The following ACSM5 variants were observed in gnomAD, a reference collection of about 807,000 sequenced individuals.
ACSM5 encodes acyl-coenzyme A synthetase ACSM5, mitochondrial.
A neutral mutation model predicts 71.6 loss-of-function variants in ACSM5; 56 were observed. That is an observed-to-expected ratio of 0.78 (90% CI 0.63 to 0.98). ACSM5 has a LOEUF of 0.98. Ranked by LOEUF, ACSM5 falls within the 50% of genes least tolerant of loss-of-function variation. The pLI is 0.00. For missense variants in ACSM5, 723 were observed against 726.0 expected, an observed-to-expected ratio of 1.00 and a Z score of 0.05; for synonymous variants, 285 against 281.5, an observed-to-expected ratio of 1.01 and a Z score of -0.12.
At chr16:20,417,957 T>C in intron 2 of ACSM5, 102 bp from the exon 3 acceptor site, 5 of 1,179,944 alleles carry the variant, frequency 4.2e-6, no homozygotes, top group Non-Finnish European at 5.9e-6. Context: ...TTTTGAACCC[T>C]GTGAATTTTA....
Position 20,437,335 on chromosome 16 carries a change from G to A in ACSM5, c.1504G>A (p.Val502Met), listed in dbSNP as rs1967223430. Residue 502 changes from valine (V) to methionine (M), a missense_variant, in exon 12 of 14, where the codon GTG becomes ATG. Coordinates refer to ENST00000331849, the MANE Select transcript of ACSM5 (RefSeq NM_017888.3). ...GCATCCTGCTGTCCTGGAGTCGGCTGTGGTCAGCAGCCCAGACCCCATCAG... is the reference window on the plus strand; with the variant it reads ...GCATCCTGCTGTCCTGGAGTCGGCTATGGTCAGCAGCCCAGACCCCATCAG... ...AEHPAVLESAVVSSPDPIRGE... is the reference protein window; with the variant it reads ...AEHPAVLESAMVSSPDPIRGE... The A allele has an allele frequency of 1.2e-6, 2 of 1,614,034 alleles. No individual in the cohort carries two copies. Among genetic ancestry groups the A allele is most frequent in the African/African-American group, 1.3e-5 (1 of 75,018 alleles).
intron 2 of ACSM5, among the ~76,000 whole-genome samples, chr16:20,412,374 C>A (rs1164213876): frequency 2.0e-5 from 3 of 151,938 alleles, no homozygotes; most frequent in African/African-American, 7.3e-5. Flanking sequence ...TAAAATACAA[C>A]AAAACAAAAT....
intron 12 of ACSM5, among the ~76,000 whole-genome samples, 170 bp from the exon 13 acceptor site, chr16:20,439,630 G>A (rs770338789): frequency 1.5e-4 from 22 of 151,466 alleles, no homozygotes; most frequent in East Asian, 7.9e-4. Context: ...ACCTGGAAGG[G>A]CCAGCAAAAG....
intron 10 of ACSM5, among the ~76,000 whole-genome samples, chr16:20,435,159 A>G (rs958347399): frequency 2.6e-5 from 4 of 151,962 alleles, no homozygotes; most frequent in Non-Finnish European, 5.9e-5. Context: ...CAGCCTCCCA[A>G]GTAGCTGGGA....
intron 6 of ACSM5, among the ~76,000 whole-genome samples, chr16:20,424,982 C>G (rs1246429233): frequency 1.3e-5 from 2 of 152,214 alleles, no homozygotes; most frequent in Admixed American, 6.5e-5. Flanking sequence ...AAGCATTTAT[C>G]TTTTGTGTTA....
chr16:20,415,587 A>G (rs142795572), intron 2 of ACSM5, among the ~76,000 whole-genome samples: 2 of 152,312 alleles, frequency 1.3e-5, no homozygotes, highest in African/African-American at 4.8e-5. Flanking sequence ...GGACTCCCCA[A>G]ATTCTACAGG....
At chr16:20,425,032 A>G (rs943060169) in intron 6 of ACSM5, among the ~76,000 whole-genome samples, 9 of 152,192 alleles carry the variant, frequency 5.9e-5, no homozygotes, top group African/African-American at 1.9e-4. Flanking sequence ...AAAATGTACA[A>G]TTAAGTTTTT....
rs1190087842 is a variant in ACSM5 at position 20,436,542 on chromosome 16, T to G, written c.1309-510T>G. Reference sequence around the variant, plus strand: ...TGCACCACCACACCCAGCTAATTTTTTTGTCTTTAGTAGAGACAGGTTTTC... The same window carrying G: ...TGCACCACCACACCCAGCTAATTTTGTTGTCTTTAGTAGAGACAGGTTTTC... On this transcript the variant is annotated intron_variant, in intron 10 of 13. Transcript: ENST00000331849. Among the ~76,000 whole-genome samples the G allele has an allele frequency of 2.0e-5, 3 of 152,076 alleles. No homozygotes were observed. In the East Asian group the frequency reaches 5.8e-4, roughly 29 times the overall value.
intron 8 of ACSM5, 112 bp from the exon 9 acceptor site, chr16:20,430,881 G>A: frequency 2.9e-6 from 2 of 694,480 alleles, no homozygotes; most frequent in Non-Finnish European, 4.9e-6. Context: ...AGTGAGGGAG[G>A]AGAAAAAAGA....
At chr16:20,421,472 G>T in intron 5 of ACSM5, 71 bp downstream of exon 5, 2 of 1,375,200 alleles carry the variant, frequency 1.5e-6, no homozygotes, top group East Asian at 2.7e-5. Context: ...GTGGTGTGAG[G>T]GGAAAGGTGT....
chr16:20,440,400 A>G lies in ACSM5; in HGVS notation c.1713A>G (p.Lys571=), dbSNP rs751566551. The G allele has an allele frequency of 2.5e-6, 4 of 1,610,818 alleles. No homozygotes were observed. Among genetic ancestry groups the G allele is most frequent in the Non-Finnish European group, 3.4e-6 (4 of 1,177,262 alleles). Residue 571 remains lysine (K), a synonymous_variant, in exon 14 of 14, where the codon AAA becomes AAG. Transcript: ENST00000331849. ...KTVSGKIQRS[K]LRSQEWGK ...TTTCTGGAAAGATCCAAAGGAGTAA[A>G]TTGCGAAGTCAGGAGTGGGGGAAAT...
At chr16:20,436,009 CTTT>C (rs1400302383) in intron 10 of ACSM5, among the ~76,000 whole-genome samples, 7 of 129,558 alleles carry the variant, frequency 5.4e-5, no homozygotes, top group African/African-American at 2.0e-4. Context: ...CTCTTTCTTT[CTTT>C]TTTCTTCATT....
intron 12 of ACSM5, among the ~76,000 whole-genome samples, chr16:20,438,600 G>A (rs941514890): frequency 2.6e-5 from 4 of 151,758 alleles, no homozygotes; most frequent in African/African-American, 9.7e-5. Flanking sequence ...TGTGACAAAT[G>A]GCTGTGTGCT....
intron 2 of ACSM5, among the ~76,000 whole-genome samples, chr16:20,415,569 A>C (rs1461933959): frequency 1.3e-5 from 2 of 152,200 alleles, no homozygotes; most frequent in East Asian, 3.8e-4. Context: ...ATATAGAAGA[A>C]GGCTGTTGGA....
chr16:20,427,921 T>C, intron 7 of ACSM5, 54 bp downstream of exon 7: 5 of 1,274,810 alleles, frequency 3.9e-6, no homozygotes, highest in Non-Finnish European at 4.6e-6. Context: ...ATATATAGCA[T>C]GGGTATCCAC....
chr16:20,431,328 G>C lies in ACSM5; in HGVS notation c.1308+7G>C, dbSNP rs1967096703. 3 of 1,609,952 alleles carry C rather than the reference G, an allele frequency of 1.9e-6. No homozygotes were observed. Among genetic ancestry groups the C allele is most frequent in the Middle Eastern group, 1.7e-4 (1 of 6,054 alleles). On this transcript the variant is annotated splice_region_variant and intron_variant, in intron 10 of 13. Transcript: ENST00000331849. ...TTTCTTCAATTGCTATTTGGTAAGA[G>C]ACGGGGAACAGCCGTTCTCATGACA...
intron 2 of ACSM5, 31 bp from the exon 3 acceptor site, chr16:20,418,028 T>TC: frequency 6.4e-7 from 1 of 1,574,542 alleles, no homozygotes; most frequent in Non-Finnish European, 8.6e-7. Flanking sequence ...ATAAATTGCT[T>TC]CTTTTTTTTT....
intron 12 of ACSM5, among the ~76,000 whole-genome samples, chr16:20,438,016 G>A (rs993104262): frequency 2.0e-5 from 3 of 152,034 alleles, no homozygotes; most frequent in Non-Finnish European, 4.4e-5. Flanking sequence ...AGTAGAGACA[G>A]GGTTTTGCCT....
At chr16:20,431,886 C>T (rs12924372) in intron 10 of ACSM5, among the ~76,000 whole-genome samples, 1 of 148,656 alleles carries the variant, frequency 6.7e-6, no homozygotes, top group Non-Finnish European at 1.5e-5. Flanking sequence ...GGGAGGTTGC[C>T]GTGAGCCAGG....
Sources: gnomAD v4.1 joint callset for allele counts (sites outside exome capture counted in the v4.1 genomes callset) on GRCh38, gnomAD v4.1.1 for gene constraint, MANE v1.5 for transcripts, NCBI Gene and HGNC (gene_info 2026-07-23, HGNC 2026-07-21) for gene names.